Variants in NFE2L3 observed in about 807,000 individuals in gnomAD.
NFE2L3 encodes nuclear factor erythroid 2-related factor 3.
A neutral mutation model predicts 23.5 loss-of-function variants in NFE2L3; 18 were observed. That is an observed-to-expected ratio of 0.77 (90% CI 0.53 to 1.13). The LOEUF is 1.13. NFE2L3 is among the 50% of genes most tolerant of loss of function. NFE2L3 has a pLI of 0.00. For missense variants in NFE2L3, 1,152 were observed against 877.2 expected, an observed-to-expected ratio of 1.31 and a Z score of -3.96; for synonymous variants, 424 against 354.5, an observed-to-expected ratio of 1.20 and a Z score of -2.20.
At chr7:26,187,134 GAAATGCTTCTAGTATGCTTCTAGATA>G (rs1782508401) in exon 4 of NFE2L3, 1 of 152,174 alleles carries the variant, frequency 6.6e-6, no homozygotes, top group African/African-American at 2.4e-5. Flanking sequence ...TATTTTGCCA[GAAATGCTTCTAGTATGCTTCTAGATA>G]AAATTGCCCC....
At chr7:26,156,770 C>T (rs527424329) in intron 1 of NFE2L3, among the ~76,000 whole-genome samples, 4 of 152,206 alleles carry the variant, frequency 2.6e-5, no homozygotes, top group Non-Finnish European at 5.9e-5. Flanking sequence ...CAGAGACCCT[C>T]TGCTGGGTGA....
In NFE2L3 at chr7:26,185,211, A is replaced by G. The variant is rs1426596053; in HGVS notation, c.1513A>G (p.Thr505Ala). 6.2e-7 allele frequency: 1 copy of G among 1,613,850 alleles called. No individual in the cohort carries two copies. The highest frequency in any genetic ancestry group is 1.3e-5 in the African/African-American group (1 of 74,930). ...FHNHTYHLQP[T>A]APESTSEPFP... ...TAACCACACTTACCACTTACAGCCA[A>G]CTGCACCAGAATCTACTTCTGAACC... Residue 505 changes from threonine to alanine, a missense_variant, in exon 4 of 4, where the codon ACT (threonine) becomes GCT (alanine). By Grantham distance (58) the Thr-to-Ala change is moderately conservative (BLOSUM62 0). Coordinates refer to ENST00000056233, the MANE Select transcript of NFE2L3 (RefSeq NM_004289.7).
chr7:26,183,560 GTA>G, intron 2 of NFE2L3, 139 bp from the exon 3 acceptor site: 1 of 613,578 alleles, frequency 1.6e-6, no homozygotes, highest in Non-Finnish European at 2.9e-6. Flanking sequence ...ATAATAAAAA[GTA>G]GAACTTCCAA....
intron 1 of NFE2L3, among the ~76,000 whole-genome samples, chr7:26,172,380 G>A (rs1015533382): frequency 1.3e-5 from 2 of 152,154 alleles, no homozygotes; most frequent in African/African-American, 2.4e-5. Flanking sequence ...ATGTCTCTCT[G>A]TATACATATG....
Position 26,152,864 on chromosome 7 carries a change from C to A in NFE2L3, c.366C>A (p.Asp122Glu). ...ACAGCGTGGCTGCCGGGAGCGCGGA[C>A]GAGGCCCACGGGCTGCTCGGCGCCG... ...LVHSVAAGSA[D>E]EAHGLLGAAA... is the part of the protein sequence containing the mutation. Residue 122 changes from aspartate (D) to glutamate (E), a missense_variant, in exon 1 of 4, where the codon GAC becomes GAA. Transcript: ENST00000056233. The surrounding 1 kb of genome is among the most constrained non-coding windows in gnomAD (Gnocchi z 4.4). 6.8e-7 allele frequency: 1 copy of A among 1,471,204 alleles called. No individual in the cohort carries two copies. The highest frequency in any genetic ancestry group is 8.9e-7 in the Non-Finnish European group (1 of 1,119,168). The allele number at this position is 1,471,204 out of a possible 1,614,324, so 91.1% of individuals were successfully genotyped here. A position where few individuals can be genotyped will look rare whatever the true frequency, so the allele number is the denominator to read the frequency against.
intron 1 of NFE2L3, among the ~76,000 whole-genome samples, chr7:26,175,579 C>A (rs569922947): frequency 2.0e-5 from 3 of 151,990 alleles, no homozygotes; most frequent in African/African-American, 7.2e-5. Flanking sequence ...AGATCGAGAC[C>A]ATCCTGGCTA....
chr7:26,184,934 T>G lies in NFE2L3; in HGVS notation c.1236T>G (p.Phe412Leu). ...NFDPIDVSQL[F>L]DEPDSDSGLS... The stretch of plus-strand genomic sequence containing the variant: ...ATCCAATCGATGTTTCTCAGCTTTT[T>G]GATGAACCAGATTCTGATTCTGGCC... The change falls in exon 4 of 4, where the codon TTT becomes TTG. Residue 412 changes from phenylalanine (F) to leucine (L), a missense_variant. Coordinates refer to ENST00000056233, the MANE Select transcript of NFE2L3 (RefSeq NM_004289.7). 6.2e-7 allele frequency: 1 copy of G among 1,613,966 alleles called. No individual in the cohort carries two copies. The highest frequency in any genetic ancestry group is 8.5e-7 in the Non-Finnish European group (1 of 1,179,858).
In NFE2L3 at chr7:26,170,926, G is replaced by A. The variant is rs184453401; in HGVS notation, c.571-7017G>A. 7.2e-5 allele frequency among the ~76,000 whole-genome samples: 11 copies of A among 152,242 alleles called. No homozygotes were observed. In the East Asian group the frequency reaches 1.9e-3, roughly 27 times the overall value. ...AAGTAAACATTAGCCAGGCATGGTGGCATGTTTCTGTAGTCCCAGCTACTG... is the reference window on the plus strand; with the variant it reads ...AAGTAAACATTAGCCAGGCATGGTGACATGTTTCTGTAGTCCCAGCTACTG... On this transcript the variant is annotated intron_variant, in intron 1 of 3. Transcript: ENST00000056233.
intron 1 of NFE2L3, among the ~76,000 whole-genome samples, chr7:26,158,059 T>G (rs35919326): frequency 0.44 from 67,186 of 151,444 alleles, 15,042 homozygotes; most frequent in East Asian, 0.58. Context: ...GTTTTGTTTT[T>G]TATTTTTGAG....
intron 1 of NFE2L3, among the ~76,000 whole-genome samples, chr7:26,172,914 T>C (rs1784348128): frequency 6.6e-6 from 1 of 152,230 alleles, no homozygotes; most frequent in African/African-American, 2.4e-5. Context: ...ACTCTTTAAG[T>C]ATCTTATTTC....
intron 1 of NFE2L3, among the ~76,000 whole-genome samples, chr7:26,165,443 C>G (rs1332254318): frequency 6.6e-6 from 1 of 152,190 alleles, no homozygotes; most frequent in Non-Finnish European, 1.5e-5. Context: ...TGATTTGGCT[C>G]TGTTTGTCTG....
chr7:26,176,012 C>G (rs547783139), intron 1 of NFE2L3, among the ~76,000 whole-genome samples: 1 of 151,722 alleles, frequency 6.6e-6, no homozygotes, highest in East Asian at 1.9e-4. Context: ...CTGTGGCCTT[C>G]CGCAGTGTTT....
chr7:26,183,623 T>A, intron 2 of NFE2L3, 78 bp from the exon 3 acceptor site: 2 of 825,908 alleles, frequency 2.4e-6, no homozygotes, highest in Non-Finnish European at 2.1e-6. Flanking sequence ...TACCTGGTGA[T>A]CCTTTAAAGA....
At chr7:26,176,232 C>A (rs915684367) in intron 1 of NFE2L3, among the ~76,000 whole-genome samples, 7 of 152,172 alleles carry the variant, frequency 4.6e-5, no homozygotes, top group African/African-American at 1.7e-4. Flanking sequence ...TAGTACAGAA[C>A]AAAATGGAGT....
At chr7:26,174,933 C>A (rs1294960423) in intron 1 of NFE2L3, 2 of 152,142 alleles carry the variant, frequency 1.3e-5, no homozygotes, top group Non-Finnish European at 2.9e-5. Flanking sequence ...TAGAAGAATT[C>A]TCTAGCCTTT....
rs1165227940 is a variant in NFE2L3, at chr7:26,185,481, T to C, written c.1783T>C (p.Cys595Arg). 25 of 1,614,032 alleles carry C rather than the reference T, an allele frequency of 1.5e-5. No homozygotes were observed. The highest frequency in any genetic ancestry group is 2.1e-5 in the Non-Finnish European group (25 of 1,179,886). ...RGKNKVAAQN[C>R]RKRKLDIILN... ...GAAAAATAAAGTTGCTGCGCAGAACTGTCGTAAACGCAAATTGGACATAAT... is the reference window on the plus strand; with the variant it reads ...GAAAAATAAAGTTGCTGCGCAGAACCGTCGTAAACGCAAATTGGACATAAT... Residue 595 changes from cysteine (C) to arginine (R), a missense_variant, in exon 4 of 4, where the codon TGT becomes CGT. Transcript: ENST00000056233.
At position 26,152,693 on chromosome 7, in the gene NFE2L3, G is replaced by T; in HGVS notation, c.195G>T (p.Ser65=). Reference sequence around the variant, plus strand: ...ACGCGCTCAGCCCCTTCTCGGCCTCGGGAGGGTGGGGGCGCGCGGGCCACT... The same window carrying T: ...ACGCGCTCAGCCCCTTCTCGGCCTCTGGAGGGTGGGGGCGCGCGGGCCACT... ...SAYALSPFSA[S]GGWGRAGHLH... The change falls in exon 1 of 4, where the codon TCG becomes TCT. Residue 65 remains serine, a synonymous_variant. Coordinates refer to ENST00000056233, the MANE Select transcript of NFE2L3 (RefSeq NM_004289.7). The surrounding 1 kb of genome is among the most constrained non-coding windows in gnomAD (Gnocchi z 4.4). The T allele has an allele frequency of 6.8e-7, 1 of 1,479,704 alleles. No individual in the cohort carries two copies. 91.7% of individuals were successfully genotyped at this position (1,479,704 alleles called of 1,614,324 possible).
intron 2 of NFE2L3, among the ~76,000 whole-genome samples, chr7:26,179,173 C>A (rs1055983673): frequency 1.3e-5 from 2 of 152,062 alleles, no homozygotes; most frequent in Non-Finnish European, 2.9e-5. Context: ...TAATGAAAAT[C>A]GCTCTGGCCA....
At chr7:26,181,234 C>T (rs1316285330) in intron 2 of NFE2L3, among the ~76,000 whole-genome samples, 1 of 152,298 alleles carries the variant, frequency 6.6e-6, no homozygotes, top group Admixed American at 6.5e-5. Flanking sequence ...ACTTTGGCCT[C>T]CCAAAGTGCT....
Sources: allele counts gnomAD v4.1 joint callset (sites outside exome capture counted in the v4.1 genomes callset), GRCh38; gene constraint gnomAD v4.1.1; non-coding constraint Gnocchi (gnomAD v3.1); transcripts MANE v1.5; gene names NCBI Gene and HGNC (gene_info 2026-07-23, HGNC 2026-07-21).